The following SAA1 variants were observed in gnomAD, a reference collection of about 807,000 sequenced individuals.
SAA1 encodes serum amyloid A-1 protein.
SAA1 carries 4 observed loss-of-function variants against 9.8 expected under a neutral mutation model. That is an observed-to-expected ratio of 0.41 (90% CI 0.20 to 0.93). The LOEUF (loss-of-function observed/expected upper bound fraction) is 0.93, where lower values mean the gene tolerates loss of function less well. Ranked by LOEUF, SAA1 falls within the 40% of genes least tolerant of loss-of-function variation. SAA1 has a pLI of 0.33. For synonymous variants in SAA1, 47 were observed against 57.7 expected (o/e 0.82, Z 0.84); for missense variants, 114 against 155.5 (o/e 0.73, Z 1.42).
intron 3 of SAA1, 68 bp from the exon 4 acceptor site, chr11:18,269,649 G>A (rs1590023202): frequency 1.9e-6 from 3 of 1,584,468 alleles, no homozygotes; most frequent in East Asian, 2.2e-5. Context: ...GGAACAGGGA[G>A]AATGGGAGGG....
chr11:18,268,609 G>T (rs1371705872), intron 2 of SAA1, among the ~76,000 whole-genome samples: 1 of 151,878 alleles, frequency 6.6e-6, no homozygotes, highest in Non-Finnish European at 1.5e-5. Flanking sequence ...CAAGGCAGGG[G>T]GATCACGAGG....
At chr11:18,269,572 G>A in intron 3 of SAA1, 145 bp from the exon 4 acceptor site, 2 of 1,401,538 alleles carry the variant, frequency 1.4e-6, no homozygotes, top group East Asian at 4.7e-5. Flanking sequence ...TGGCTGAATG[G>A]GGTGGTGCCC....
At chr11:18,269,684 T>C in intron 3 of SAA1, 33 bp from the exon 4 acceptor site, 1 of 1,613,032 alleles carries the variant, frequency 6.2e-7, no homozygotes, top group East Asian at 2.2e-5. Flanking sequence ...CTGGCCTGAT[T>C]ATTAATCTCC....
At chr11:18,269,383 C>T (rs756851071) in intron 3 of SAA1, 50 bp downstream of exon 3, 2 of 1,485,734 alleles carry the variant, frequency 1.3e-6, no homozygotes, top group Admixed American at 2.6e-5. Context: ...AGCTTGCCTG[C>T]CTTGGACAGT....
At chr11:18,268,173 G>T in intron 2 of SAA1, among the ~76,000 whole-genome samples, 1 of 151,608 alleles carries the variant, frequency 6.6e-6, no homozygotes, top group Non-Finnish European at 1.5e-5. Flanking sequence ...GAGTTCCGGA[G>T]CAGCCTGGCC....
chr11:18,268,444 A>G (rs1279318677), intron 2 of SAA1, among the ~76,000 whole-genome samples: 1 of 152,230 alleles, frequency 6.6e-6, no homozygotes, highest in Non-Finnish European at 1.5e-5. Flanking sequence ...AACCCACAGC[A>G]TCAGTACAGC....
Position 18,269,247 on chromosome 11 carries a change from C to T in SAA1, c.144C>T (p.Ile48=), listed in dbSNP as rs144981113. The T allele has an allele frequency of 3.1e-4, 496 of 1,602,272 alleles. 2 individuals are homozygous for T. In the African/African-American group the frequency reaches 5.9e-3, roughly 19 times the overall value. Residue 48 remains isoleucine, a synonymous_variant, in exon 3 of 4, where the codon ATC becomes ATT. Transcript: ENST00000356524. ...CTGACATGAGAGAAGCCAATTACAT[C>T]GGCTCAGACAAATACTTCCATGCTC... ...AYSDMREANY[I]GSDKYFHARG...
intron 3 of SAA1, among the ~76,000 whole-genome samples, 154 bp from the exon 4 acceptor site, chr11:18,269,563 G>T (rs2134168959): frequency 6.6e-6 from 1 of 152,290 alleles, no homozygotes; most frequent in South Asian, 2.1e-4. Context: ...TGCCCAGCCT[G>T]GCTGAATGGG....
chr11:18,269,000 C>T (rs1215922220), intron 2 of SAA1, among the ~76,000 whole-genome samples, 195 bp from the exon 3 acceptor site: 3 of 152,068 alleles, frequency 2.0e-5, no homozygotes, highest in Non-Finnish European at 4.4e-5. Flanking sequence ...AGCAGTGGCT[C>T]TTCACCAGGG....
intron 2 of SAA1, among the ~76,000 whole-genome samples, chr11:18,268,854 A>AAAAAAAAAAG: frequency 1.8e-5 from 1 of 56,120 alleles, no homozygotes; most frequent in South Asian, 4.8e-4. Flanking sequence ...AAAAAAAAAA[A>AAAAAAAAAAG]AAAAAAAAAG....
intron 2 of SAA1, among the ~76,000 whole-genome samples, chr11:18,268,605 A>G (rs1048020312): frequency 1.6e-4 from 24 of 152,118 alleles, no homozygotes; most frequent in African/African-American, 5.8e-4. Context: ...AGGCCAAGGC[A>G]GGGGGATCAC....
In SAA1 at chr11:18,267,004, T is replaced by A. The variant is rs1160717087; in HGVS notation, c.91+26T>A. ...GTAAGGCTTCAGAAGGTTTGCAGGA[T>A]TTCTGAAGAGAAACATCACCCTGGA... is the stretch of plus-strand genomic sequence containing the variant. On this transcript the variant is annotated intron_variant, in intron 2 of 3. Coordinates refer to ENST00000356524, the MANE Select transcript of SAA1 (RefSeq NM_199161.5). The A allele has an allele frequency of 1.5e-6, 2 of 1,327,414 alleles. 1 individual carries two copies. Among genetic ancestry groups the A allele is most frequent in the Non-Finnish European group, 2.1e-6 (2 of 938,664 alleles). 82.2% of individuals were successfully genotyped at this position (1,327,414 alleles called of 1,614,324 possible). A position where few individuals can be genotyped will look rare whatever the true frequency, so the allele number is the denominator to read the frequency against.
At chr11:18,268,420 T>A (rs1414452770) in intron 2 of SAA1, among the ~76,000 whole-genome samples, 1 of 152,092 alleles carries the variant, frequency 6.6e-6, no homozygotes, top group Admixed American at 6.6e-5. Flanking sequence ...CACTGCCCTA[T>A]TGCTTCCTCA....
rs371021832 is a variant in SAA1, at chr11:18,268,831, TAAAAAAAAAAA to T, written c.92-342_92-332del. Among the ~76,000 whole-genome samples the T allele has an allele frequency of 2.5e-3, 277 of 110,614 alleles. 2 individuals are homozygous for T. The highest frequency in any genetic ancestry group is 8.9e-3 in the African/African-American group (249 of 28,032). 72.6% of individuals were successfully genotyped at this position (110,614 alleles called of 152,430 possible). A position where few individuals can be genotyped will look rare whatever the true frequency, so the allele number is the denominator to read the frequency against. ...CTGGGCGACAGAGCAAGACTCTGTC[TAAAAAAAAAAA>T]AAAAAAAAAAAAAAAAAAAAAGAAT... On this transcript the variant is annotated intron_variant, in intron 2 of 3. Coordinates refer to ENST00000356524, the MANE Select transcript of SAA1 (RefSeq NM_199161.5).
intron 2 of SAA1, 41 bp from the exon 3 acceptor site, chr11:18,269,154 T>C (rs1564911793): frequency 3.1e-6 from 5 of 1,600,192 alleles, no homozygotes; most frequent in Admixed American, 3.6e-5. Context: ...GGAGTCTTTA[T>C]GTTCTCCTGA....
chr11:18,268,708 C>T (rs1289132079), intron 2 of SAA1, among the ~76,000 whole-genome samples: 1 of 152,076 alleles, frequency 6.6e-6, no homozygotes, highest in African/African-American at 2.4e-5. Flanking sequence ...TGGCGCATGC[C>T]TGTAATCTCA....
At position 18,267,268 on chromosome 11, in the gene SAA1, CG is replaced by C. The variant is rs1448792168; in HGVS notation, c.91+291del. On this transcript the variant is annotated intron_variant, in intron 2 of 3. Coordinates refer to ENST00000356524, the MANE Select transcript of SAA1 (RefSeq NM_199161.5). ...TGTATCAAAAACACATCTCCTGAGC[CG>C]TAAGGGACGGGGCATCCAGTAACAA... 2.4e-5 allele frequency among the ~76,000 whole-genome samples: 2 copies of C among 84,562 alleles called. 1 individual carries two copies. The highest frequency in any genetic ancestry group is 5.1e-5 in the Non-Finnish European group (2 of 39,202). The allele number at this position is 84,562 out of a possible 152,430, so 55.5% of individuals were successfully genotyped here.
In SAA1 at chr11:18,267,561, T is replaced by C. The variant is rs548283721; in HGVS notation, c.91+583T>C. Among the ~76,000 whole-genome samples, 130 of 128,050 alleles carry C rather than the reference T, an allele frequency of 1.0e-3. 2 individuals carry two copies. Among genetic ancestry groups the C allele is most frequent in the African/African-American group, 3.7e-3 (128 of 34,530 alleles). 84.0% of individuals were successfully genotyped at this position (128,050 alleles called of 152,430 possible). ...TAAGGCTGTTGACTCTTCTGTCTTC[T>C]TTCTCCTTCCTCCTTCGATTTCCTA... On this transcript the variant is annotated intron_variant, in intron 2 of 3. Transcript: ENST00000356524.
At position 18,266,856 on chromosome 11, in the gene SAA1, G is replaced by A. The variant is rs374438709; in HGVS notation, c.-4-28G>A. The A allele has an allele frequency of 3.5e-4, 552 of 1,583,152 alleles. 6 individuals carry two copies. In the African/African-American group the frequency reaches 6.6e-3, roughly 19 times the overall value. On this transcript the variant is annotated intron_variant, in intron 1 of 3. Transcript: ENST00000356524. The stretch of plus-strand genomic sequence containing the variant: ...GGGAAGCTGTGCCAGTCTTGTGGGC[G>A]ACTGCCTGACTTCTCCTTTCATTTC...
Sources: allele counts gnomAD v4.1 joint callset (sites outside exome capture counted in the v4.1 genomes callset), GRCh38; gene constraint gnomAD v4.1.1; transcripts MANE v1.5; gene names NCBI Gene and HGNC (gene_info 2026-07-23, HGNC 2026-07-21).